Variants in EBF2 observed in about 807,000 individuals in gnomAD.
EBF2 encodes transcription factor COE2.
A neutral mutation model predicts 72.8 loss-of-function variants in EBF2; 21 were observed. That is an observed-to-expected ratio of 0.29 (90% CI 0.20 to 0.42). The LOEUF is 0.42. EBF2 is among the 10% of genes least tolerant of loss of function. The pLI, the probability that EBF2 is intolerant of heterozygous loss-of-function variation, is 1.00. For missense variants in EBF2, 637 were observed against 731.2 expected, an observed-to-expected ratio of 0.87 and a Z score of 1.49; for synonymous variants, 299 against 274.2, an observed-to-expected ratio of 1.09 and a Z score of -0.89.
At chr8:26,018,230 G>T (rs1805144787) in intron 6 of EBF2, among the ~76,000 whole-genome samples, 1 of 151,378 alleles carries the variant, frequency 6.6e-6, no homozygotes, top group Non-Finnish European at 1.5e-5. Context: ...AGAAGCTCTG[G>T]ATAACTTAGG....
At chr8:25,961,029 CA>C (rs1302366202) in intron 6 of EBF2, among the ~76,000 whole-genome samples, 3 of 152,096 alleles carry the variant, frequency 2.0e-5, no homozygotes, top group African/African-American at 7.2e-5. Context: ...AAACACACCC[CA>C]AGGCTCTGCT....
At position 25,887,844 on chromosome 8, in the gene EBF2, C is replaced by G; in HGVS notation, c.880G>C (p.Glu294Gln). ...GTAAGCCTGTTGCCTCTGCTTACCTCGCTCCATACAAGCATAGTCCCAAAC... is the reference window on the plus strand; with the variant it reads ...GTAAGCCTGTTGCCTCTGCTTACCTGGCTCCATACAAGCATAGTCCCAAAC... ...VVFGTMLVWSELITPHAIRVQ... is the reference protein window; with the variant it reads ...VVFGTMLVWSQLITPHAIRVQ... Residue 294 changes from glutamate to glutamine, a missense_variant and splice_region_variant, in exon 9 of 16, where the codon GAG (glutamate) becomes CAG (glutamine). Transcript: ENST00000520164. The G allele has an allele frequency of 6.2e-7, 1 of 1,600,314 alleles. No homozygotes were observed. Among genetic ancestry groups the G allele is most frequent in the Non-Finnish European group, 8.5e-7 (1 of 1,174,244 alleles).
chr8:25,924,846 C>T (rs918338076), intron 6 of EBF2, among the ~76,000 whole-genome samples: 11 of 152,210 alleles, frequency 7.2e-5, no homozygotes, highest in Admixed American at 5.2e-4. Flanking sequence ...CTTTAACATA[C>T]ATGCTGAATA....
At chr8:25,866,639 T>TATATATATATATATATA (rs1563381538) in intron 10 of EBF2, among the ~76,000 whole-genome samples, 28 of 129,022 alleles carry the variant, frequency 2.2e-4, no homozygotes, top group Admixed American at 2.2e-3. Flanking sequence ...ATATATATTT[T>TATATATATATATATATA]TTTTTTTTTT....
intron 15 of EBF2, among the ~76,000 whole-genome samples, chr8:25,848,572 T>A (rs1801889572): frequency 6.6e-6 from 1 of 152,128 alleles, no homozygotes; most frequent in Non-Finnish European, 1.5e-5. Context: ...AAGAAACTTG[T>A]CCTGGCCCCA....
At chr8:25,846,598 ATC>A (rs1801841159) in intron 15 of EBF2, among the ~76,000 whole-genome samples, 1 of 152,168 alleles carries the variant, frequency 6.6e-6, no homozygotes, top group South Asian at 2.1e-4. Flanking sequence ...AGGTAAGAGA[ATC>A]TCTTATTGAG....
intron 6 of EBF2, among the ~76,000 whole-genome samples, chr8:26,000,048 G>A (rs528263582): frequency 7.7e-4 from 117 of 152,276 alleles, no homozygotes; most frequent in African/African-American, 2.3e-3. Context: ...AGCGGGCCAT[G>A]AAAATTGTAG....
At chr8:25,865,794 G>A (rs111315128) in intron 10 of EBF2, among the ~76,000 whole-genome samples, 4,446 of 151,434 alleles carry the variant, frequency 0.029, 223 homozygotes, top group African/African-American at 0.099. Flanking sequence ...GGGAGGCTGA[G>A]GCGGGCAGAT....
chr8:25,887,117 GTCTCTC>G (rs67623458), intron 9 of EBF2, among the ~76,000 whole-genome samples: 2 of 149,670 alleles, frequency 1.3e-5, no homozygotes, highest in East Asian at 2.0e-4. Context: ...GTATGTCTCT[GTCTCTC>G]TCTCTCTCTC....
intron 15 of EBF2, 41 bp from the exon 16 acceptor site, chr8:25,844,681 T>C (rs1351126588): frequency 1.2e-6 from 2 of 1,613,146 alleles, no homozygotes; most frequent in African/African-American, 2.7e-5. Flanking sequence ...CTTGGGGACT[T>C]TTTATGTTCA....
intron 6 of EBF2, among the ~76,000 whole-genome samples, chr8:25,957,815 A>G (rs1400807829): frequency 6.6e-6 from 1 of 152,226 alleles, no homozygotes; most frequent in Non-Finnish European, 1.5e-5. Flanking sequence ...GTGGTGAACC[A>G]TGATTGCATG....
intron 6 of EBF2, among the ~76,000 whole-genome samples, chr8:25,987,638 G>C (rs1804482110): frequency 6.6e-6 from 1 of 152,184 alleles, no homozygotes; most frequent in African/African-American, 2.4e-5. Context: ...CAAAGATTAA[G>C]TTTTATCAAG....
Position 25,886,872 on chromosome 8 carries a change from G to A in EBF2, c.892C>T (p.Pro298Ser), listed in dbSNP as rs745510571. ...GGAGTCTGTACTCTGATGGCATGAG[G>A]GGTTATTAGCTGAGGAATGAACAGG... is the stretch of plus-strand genomic sequence containing the variant. ...TMLVWSELIT[P>S]HAIRVQTPPR... Residue 298 changes from proline to serine, a missense_variant, in exon 10 of 16, where the codon CCT (proline) becomes TCT (serine). By Grantham distance (74) the Pro-to-Ser change is moderately conservative (BLOSUM62 -1). Around this residue, in one of 3 missense-constraint regions of EBF2, gnomAD observed 204 missense variants for 301.2 expected, o/e 0.68. Transcript: ENST00000520164. 8.1e-6 allele frequency: 13 copies of A among 1,612,266 alleles called. No individual in the cohort carries two copies. The highest frequency in any genetic ancestry group is 1.1e-5 in the Non-Finnish European group (13 of 1,179,092).
intron 6 of EBF2, among the ~76,000 whole-genome samples, chr8:25,972,736 C>G (rs1416178535): frequency 1.3e-5 from 2 of 152,052 alleles, no homozygotes; most frequent in Non-Finnish European, 2.9e-5. Context: ...TCAAAGTATA[C>G]ATGAGGGCGA....
At chr8:26,002,752 C>T (rs1264940440) in intron 6 of EBF2, among the ~76,000 whole-genome samples, 1 of 152,116 alleles carries the variant, frequency 6.6e-6, no homozygotes, top group Admixed American at 6.5e-5. Flanking sequence ...CGTCTCTCCC[C>T]CTGGGTGTGA....
At chr8:25,861,427 A>G in intron 11 of EBF2, 53 bp from the exon 12 acceptor site, 2 of 1,599,816 alleles carry the variant, frequency 1.3e-6, no homozygotes, top group Non-Finnish European at 1.7e-6. Flanking sequence ...CAAGATGGCA[A>G]ACAAAAGAAA....
chr8:25,952,068 G>A (rs1458228332), intron 6 of EBF2, among the ~76,000 whole-genome samples: 2 of 152,188 alleles, frequency 1.3e-5, no homozygotes, highest in Non-Finnish European at 2.9e-5. Context: ...CAAGGCAGGA[G>A]GATTGCTTGA....
chr8:25,905,182 T>A (rs944325761), intron 7 of EBF2, among the ~76,000 whole-genome samples: 1 of 152,094 alleles, frequency 6.6e-6, no homozygotes, highest in South Asian at 2.1e-4. Flanking sequence ...AGAATTTTTT[T>A]AAAACAGAAA....
intron 6 of EBF2, among the ~76,000 whole-genome samples, chr8:25,944,109 C>T (rs932237776): frequency 2.6e-5 from 4 of 152,100 alleles, no homozygotes; most frequent in African/African-American, 9.7e-5. Context: ...ATGCTAAGCA[C>T]TTGTGTATGG....
Sources: gnomAD v4.1 joint callset for allele counts (sites outside exome capture counted in the v4.1 genomes callset) on GRCh38, gnomAD v4.1.1 for gene constraint, gnomAD v4.1.1 regional missense constraint, MANE v1.5 for transcripts, NCBI Gene and HGNC (gene_info 2026-07-23, HGNC 2026-07-21) for gene names.